Variants in PRR33 observed in about 807,000 individuals in gnomAD.
The protein encoded by PRR33 is proline rich 33.
A neutral mutation model predicts 0.5 loss-of-function variants in PRR33; 1 was observed. That is an observed-to-expected ratio of 2.18 (90% CI 0.77 to 10.34). PRR33 has a LOEUF of 10.34. Among genes scored for constraint, PRR33 ranks in the 30% most tolerant of loss-of-function variants. The probability of loss-of-function intolerance (pLI) is 0.13; values close to 1 mark genes in which losing one functional copy is unlikely to be tolerated. For synonymous variants in PRR33, 226 were observed against 110.0 expected (o/e 2.06, Z -6.60); for missense variants, 552 against 251.8 (o/e 2.19, Z -8.07).
chr11:1,892,484 C>T (rs1295529781), upstream of PRR33, among the ~76,000 whole-genome samples: 5 of 152,220 alleles, frequency 3.3e-5, no homozygotes, highest in African/African-American at 9.6e-5. Context: ...GCTTCCTTTT[C>T]CAGAATGTCT....
At chr11:1,905,883 A>G in the PRR33 span, among the ~76,000 whole-genome samples, 5 of 151,770 alleles carry the variant, frequency 3.3e-5, no homozygotes, top group East Asian at 1.9e-4. Context: ...TATTGGTGCA[A>G]TCACAGCTCA....
the PRR33 span, among the ~76,000 whole-genome samples, chr11:1,913,840 C>G: frequency 3.9e-5 from 6 of 152,260 alleles, no homozygotes; most frequent in African/African-American, 1.4e-4. Flanking sequence ...TGAGCACGAG[C>G]TGTGCACTGG....
the PRR33 span, among the ~76,000 whole-genome samples, chr11:1,917,422 A>T: frequency 6.6e-6 from 1 of 152,246 alleles, no homozygotes; most frequent in East Asian, 1.9e-4. Flanking sequence ...GCATTTGCCA[A>T]TTTCAGAACC....
upstream of PRR33, among the ~76,000 whole-genome samples, chr11:1,896,853 T>C (rs7105710): frequency 0.4 from 60,799 of 152,128 alleles, 13,485 homozygotes; most frequent in Non-Finnish European, 0.52. Flanking sequence ...GGAACCGACG[T>C]TGGATTTTTC....
the PRR33 span, among the ~76,000 whole-genome samples, chr11:1,913,312 T>TG: frequency 2.9e-5 from 1 of 34,922 alleles, no homozygotes; most frequent in Non-Finnish European, 1.5e-4. Context: ...TTTTTTTTTT[T>TG]TTGTTTTTTT....
the PRR33 span, among the ~76,000 whole-genome samples, chr11:1,902,118 G>T: frequency 6.6e-6 from 1 of 151,976 alleles, no homozygotes. Context: ...TGTAGTCCCA[G>T]CTACTCGGGA....
At chr11:1,905,347 G>A in the PRR33 span, among the ~76,000 whole-genome samples, 1 of 151,038 alleles carries the variant, frequency 6.6e-6, no homozygotes, top group Non-Finnish European at 1.5e-5. Flanking sequence ...GGCTACTCTC[G>A]AACTCCTGAC....
At chr11:1,892,495 G>A (rs900589913), upstream of PRR33, among the ~76,000 whole-genome samples, 2 of 152,228 alleles carry the variant, frequency 1.3e-5, no homozygotes, top group Non-Finnish European at 2.9e-5. Flanking sequence ...CAGAATGTCT[G>A]TGATATCCCT....
chr11:1,915,777 G>C, the PRR33 span, among the ~76,000 whole-genome samples: 1 of 132,238 alleles, frequency 7.6e-6, no homozygotes, highest in South Asian at 2.7e-4. Flanking sequence ...ATGGATGAAG[G>C]GAGGGTGGAT....
At chr11:1,915,066 T>G in the PRR33 span, among the ~76,000 whole-genome samples, 1 of 148,310 alleles carries the variant, frequency 6.7e-6, no homozygotes, top group African/African-American at 2.5e-5. Context: ...GTGTATGTGT[T>G]ATGGGGTCAC....
the PRR33 span, among the ~76,000 whole-genome samples, chr11:1,917,231 G>A: frequency 6.6e-6 from 1 of 152,180 alleles, no homozygotes; most frequent in African/African-American, 2.4e-5. Context: ...CAGGGCATGA[G>A]GAGAGGCTCA....
chr11:1,901,833 T>C, the PRR33 span, among the ~76,000 whole-genome samples: 1 of 152,232 alleles, frequency 6.6e-6, no homozygotes, highest in Non-Finnish European at 1.5e-5. Flanking sequence ...CAAATGGAAA[T>C]GTCTTGTGGA....
the PRR33 span, chr11:1,902,779 G>A: frequency 6.6e-6 from 1 of 152,180 alleles, no homozygotes; most frequent in Non-Finnish European, 1.5e-5. Flanking sequence ...AAGGAATAAA[G>A]AATGGCTACT....
At chr11:1,903,320 G>A in the PRR33 span, 9 of 149,454 alleles carry the variant, frequency 6.0e-5, no homozygotes, top group African/African-American at 1.7e-4. Context: ...GCTGTGGAGC[G>A]GGGGGTGGGG....
the PRR33 span, among the ~76,000 whole-genome samples, chr11:1,912,658 G>T: frequency 2.6e-5 from 4 of 152,166 alleles, no homozygotes; most frequent in South Asian, 6.2e-4. Flanking sequence ...AGGCTGGAGC[G>T]CAGTGGCGAG....
At chr11:1,912,407 G>A in the PRR33 span, among the ~76,000 whole-genome samples, 4 of 152,152 alleles carry the variant, frequency 2.6e-5, no homozygotes, top group Non-Finnish European at 5.9e-5. Context: ...TTTCTCCTGG[G>A]AATGGGCTGT....
chr11:1,917,629 C>T, the PRR33 span, among the ~76,000 whole-genome samples: 1 of 152,264 alleles, frequency 6.6e-6, no homozygotes, highest in Non-Finnish European at 1.5e-5. Flanking sequence ...GGCAGCAGGG[C>T]ATGGGTTACC....
At chr11:1,892,813 C>T (rs966958892), upstream of PRR33, among the ~76,000 whole-genome samples, 17 of 138,516 alleles carry the variant, frequency 1.2e-4, no homozygotes, top group African/African-American at 2.5e-4. Flanking sequence ...GGTGGGTGGA[C>T]GAATGGATAG....
chr11:1,908,760 C>T, the PRR33 span, among the ~76,000 whole-genome samples: 3 of 152,304 alleles, frequency 2.0e-5, no homozygotes, highest in East Asian at 3.9e-4. Context: ...AGAACTTATA[C>T]GTCTCATTTC....
Sources: gnomAD v4.1 joint callset for allele counts (sites outside exome capture counted in the v4.1 genomes callset) on GRCh38, gnomAD v4.1.1 for gene constraint, MANE v1.5 for transcripts, NCBI Gene and HGNC (gene_info 2026-07-23, HGNC 2026-07-21) for gene names.